PRKAR2B: variants seen among roughly 807,000 people sequenced by gnomAD.
PRKAR2B encodes the protein cAMP-dependent protein kinase type II-beta regulatory subunit.
PRKAR2B carries 14 observed loss-of-function variants against 49.9 expected under a neutral mutation model. The observed-to-expected ratio is 0.28, with a 90% CI of 0.19 to 0.44. The LOEUF (loss-of-function observed/expected upper bound fraction) is 0.44, where lower values mean the gene tolerates loss of function less well. Ranked by LOEUF, PRKAR2B falls within the 20% of genes least tolerant of loss-of-function variation. The pLI, the probability that PRKAR2B is intolerant of heterozygous loss-of-function variation, is 1.00. For missense variants in PRKAR2B, 393 were observed against 537.9 expected, an observed-to-expected ratio of 0.73 and a Z score of 2.67; for synonymous variants, 196 against 197.7, an observed-to-expected ratio of 0.99 and a Z score of 0.07.
chr7:107,158,180 G>C (rs1162613235), intron 10 of PRKAR2B, among the ~76,000 whole-genome samples: 1 of 152,032 alleles, frequency 6.6e-6, no homozygotes, highest in East Asian at 1.9e-4. Flanking sequence ...AAAGGTGAGT[G>C]AGTGAAAGTC....
Position 107,044,814 on chromosome 7 carries a change from CGCCGTAG to C in PRKAR2B, c.-91_-85del. The C allele has an allele frequency of 9.6e-7, 1 of 1,046,292 alleles. No homozygotes were observed. Among genetic ancestry groups the C allele is most frequent in the Non-Finnish European group, 1.2e-6 (1 of 818,460 alleles). 64.8% of individuals were successfully genotyped at this position (1,046,292 alleles called of 1,614,324 possible). On this transcript the variant is annotated 5_prime_UTR_variant, in exon 1 of 11. Transcript: ENST00000265717. Reference sequence around the variant, plus strand: ...GCGCTCGCAGCCGGTAGCGCGCCAGCGCCGTAGGCGCTCGCTCGGCAGCCGCGGGGCC... The same window carrying C: ...GCGCTCGCAGCCGGTAGCGCGCCAGCGCGCTCGCTCGGCAGCCGCGGGGCC...
At chr7:107,049,365 A>G (rs1293329360) in intron 1 of PRKAR2B, among the ~76,000 whole-genome samples, 1 of 152,226 alleles carries the variant, frequency 6.6e-6, no homozygotes, top group East Asian at 1.9e-4. Context: ...TTCAAAGTAG[A>G]TACACATACC....
intron 2 of PRKAR2B, among the ~76,000 whole-genome samples, chr7:107,119,301 A>G (rs1795346198): frequency 6.6e-6 from 1 of 152,180 alleles, no homozygotes; most frequent in African/African-American, 2.4e-5. Context: ...GAATGTGTCA[A>G]TCCTGTGAAC....
chr7:107,138,328 C>T (rs1164872978), intron 4 of PRKAR2B, among the ~76,000 whole-genome samples: 2 of 151,526 alleles, frequency 1.3e-5, no homozygotes, highest in East Asian at 3.8e-4. Flanking sequence ...GAGTCTGTGT[C>T]ATGTGTTGGG....
chr7:107,075,722 T>C (rs1794383746), intron 2 of PRKAR2B, among the ~76,000 whole-genome samples: 1 of 152,078 alleles, frequency 6.6e-6, no homozygotes, highest in Non-Finnish European at 1.5e-5. Flanking sequence ...AGTCTAGGCT[T>C]TTCAAAACGT....
At chr7:107,101,875 C>CTTTTTTTTTTTTTTTTTTT (rs10589473) in intron 2 of PRKAR2B, among the ~76,000 whole-genome samples, 6 of 94,254 alleles carry the variant, frequency 6.4e-5, no homozygotes, top group African/African-American at 1.7e-4. Flanking sequence ...AGCCCTGATC[C>CTTTTTTTTTTTTTTTTTTT]TTTTTTTTTT....
At chr7:107,129,885 G>A (rs772909983) in intron 4 of PRKAR2B, among the ~76,000 whole-genome samples, 13 of 152,206 alleles carry the variant, frequency 8.5e-5, no homozygotes, top group Middle Eastern at 6.8e-3. Context: ...GGTCACTCTC[G>A]TCACCATCTC....
chr7:107,055,747 C>A (rs1357135574), intron 1 of PRKAR2B, among the ~76,000 whole-genome samples: 1 of 152,146 alleles, frequency 6.6e-6, no homozygotes, highest in Non-Finnish European at 1.5e-5. Context: ...CAAAAATTTT[C>A]TCCCATTCTG....
chr7:107,055,890 C>T (rs574080338), intron 1 of PRKAR2B, among the ~76,000 whole-genome samples: 61 of 152,286 alleles, frequency 4.0e-4, no homozygotes, highest in Non-Finnish European at 3.5e-4. Flanking sequence ...AGTCCTTGCC[C>T]ATGCCTATGT....
chr7:107,076,857 T>C (rs1794408356), intron 2 of PRKAR2B, among the ~76,000 whole-genome samples: 1 of 152,244 alleles, frequency 6.6e-6, no homozygotes, highest in Non-Finnish European at 1.5e-5. Context: ...CAAATCTCAG[T>C]GAAATCACCC....
At chr7:107,126,264 A>C (rs1402675869) in intron 3 of PRKAR2B, among the ~76,000 whole-genome samples, 12 of 145,354 alleles carry the variant, frequency 8.3e-5, no homozygotes, top group East Asian at 2.0e-4. Context: ...AAAAAAAAAA[A>C]AAAAACCAAA....
chr7:107,141,075 AC>A, intron 5 of PRKAR2B, 122 bp downstream of exon 5: 1 of 642,590 alleles, frequency 1.6e-6, no homozygotes, highest in Non-Finnish European at 2.7e-6. Flanking sequence ...TCTTATTATT[AC>A]ATAATAGGCA....
intron 1 of PRKAR2B, among the ~76,000 whole-genome samples, chr7:107,064,126 C>A (rs893421426): frequency 6.6e-6 from 1 of 152,148 alleles, no homozygotes; most frequent in Non-Finnish European, 1.5e-5. Flanking sequence ...TGCCTCAAAT[C>A]TCTGTGTAGT....
intron 5 of PRKAR2B, among the ~76,000 whole-genome samples, chr7:107,143,166 A>G (rs1206975890): frequency 1.3e-5 from 2 of 152,216 alleles, no homozygotes; most frequent in Non-Finnish European, 2.9e-5. Flanking sequence ...TACCCTATTC[A>G]AAGTAGCCGA....
intron 2 of PRKAR2B, among the ~76,000 whole-genome samples, chr7:107,074,400 G>A (rs917166196): frequency 1.3e-5 from 2 of 152,016 alleles, no homozygotes; most frequent in African/African-American, 4.8e-5. Context: ...CACTGCGCCC[G>A]GCCACATAAT....
At chr7:107,098,639 C>G (rs1794898627) in intron 2 of PRKAR2B, among the ~76,000 whole-genome samples, 2 of 152,180 alleles carry the variant, frequency 1.3e-5, no homozygotes, top group Admixed American at 6.5e-5. Context: ...TTCTCCCCAT[C>G]TTTGTGGTTT....
intron 4 of PRKAR2B, chr7:107,133,594 T>G (rs1197663775): frequency 2.0e-5 from 3 of 152,194 alleles, no homozygotes; most frequent in Non-Finnish European, 2.9e-5. Context: ...AAGGGCTGTT[T>G]CACTGCTACC....
rs764110607 is a variant in PRKAR2B at position 107,116,949 on chromosome 7, GTGTGTGTATATATATATATA to G, written c.344-4997_344-4978del. On this transcript the variant is annotated intron_variant, in intron 2 of 10. Coordinates refer to ENST00000265717, the MANE Select transcript of PRKAR2B (RefSeq NM_002736.3). ...TGTATGTGTGTATATATATGTGTGT[GTGTGTGTATATATATATATA>G]TGTGTATATATATAATTGTTATACC... Among the ~76,000 whole-genome samples the G allele has an allele frequency of 5.5e-3, 807 of 147,402 alleles. 5 individuals are homozygous for G. Among genetic ancestry groups the G allele is most frequent in the African/African-American group, 0.016 (626 of 39,192 alleles).
At chr7:107,143,406 G>A (rs1217354835) in intron 5 of PRKAR2B, among the ~76,000 whole-genome samples, 1 of 152,190 alleles carries the variant, frequency 6.6e-6, no homozygotes, top group Admixed American at 6.5e-5. Context: ...AGTGTACGAG[G>A]TACAGTAACT....
Sources: gnomAD v4.1 joint callset for allele counts (sites outside exome capture counted in the v4.1 genomes callset) on GRCh38, gnomAD v4.1.1 for gene constraint, MANE v1.5 for transcripts, NCBI Gene and HGNC (gene_info 2026-07-23, HGNC 2026-07-21) for gene names.